Variants in LTBP3 observed in about 807,000 individuals in gnomAD.
LTBP3 encodes the protein latent-transforming growth factor beta-binding protein 3.
In LTBP3, 97 loss-of-function variants were observed where a neutral mutation model predicts 159.7. The observed-to-expected ratio is 0.61, with a 90% CI of 0.52 to 0.72. The LOEUF is 0.72. Ranked by LOEUF, LTBP3 falls within the 30% of genes least tolerant of loss-of-function variation. The pLI is 0.00. For missense variants in LTBP3, 1,584 were observed against 1,864.3 expected (o/e 0.85, Z 2.77); for synonymous variants, 824 against 777.1 (o/e 1.06, Z -1.00).
chr11:65,547,507 G>A lies in LTBP3; in HGVS notation c.2039C>T (p.Pro680Leu). The change falls in exon 14 of 28, where the codon CCC (proline) becomes CTC (leucine). Residue 680 changes from proline to leucine, a missense_variant. Physicochemically the swap from Pro to Leu is moderately conservative, Grantham distance 98. Transcript: ENST00000301873. This position sits in a 1 kb window ranked among gnomAD's most constrained non-coding sequence, Gnocchi z 4.6. Reference protein sequence around the residue: ...CGDGGFCINFPGHYKCNCYPG... With the variant: ...CGDGGFCINFLGHYKCNCYPG... ...GTAGCAGTTGCACTTGTAGTGACCG[G>A]GAAAGTTGATGCAGAAGCCGCCGTC... 3.7e-6 allele frequency: 6 copies of A among 1,614,138 alleles called. No individual in the cohort carries two copies. Among genetic ancestry groups the A allele is most frequent in the Non-Finnish European group, 5.1e-6 (6 of 1,179,998 alleles).
Position 65,540,134 on chromosome 11 carries a change from G to A in LTBP3, c.3264C>T (p.Asp1088=), listed in dbSNP as rs1395695854. The A allele has an allele frequency of 6.5e-7, 1 of 1,528,416 alleles. No homozygotes were observed. Among genetic ancestry groups the A allele is most frequent in the South Asian group, 1.2e-5 (1 of 83,548 alleles). 94.7% of individuals were successfully genotyped at this position (1,528,416 alleles called of 1,614,324 possible). ...PEEMDVDECQ[D]PAACRPGRCV... is the part of the protein sequence containing the mutation. ...AGCGGCCAGGGCGGCAGGCTGCCGG[G>A]TCCTGGCACTCGTCCACGTCTACGA... is the stretch of plus-strand genomic sequence containing the variant. Residue 1088 remains aspartate, a synonymous_variant, in exon 24 of 28, where the codon GAC becomes GAT. Transcript: ENST00000301873.
In LTBP3 at chr11:65,551,037, C is replaced by G; in HGVS notation, c.1720+89G>C. The G allele has an allele frequency of 2.7e-6, 3 of 1,094,956 alleles. No individual in the cohort carries two copies. In the East Asian group the frequency reaches 7.7e-5, roughly 28 times the overall value. 67.8% of individuals were successfully genotyped at this position (1,094,956 alleles called of 1,614,324 possible). On this transcript the variant is annotated intron_variant, in intron 11 of 27. Transcript: ENST00000301873. ...CTGGATACACGCTAGCCTATTAGCG[C>G]TAGGGAATGCCTGGGGGCGGGAGGG...
chr11:65,547,690 C>A lies in LTBP3; in HGVS notation c.1978G>T (p.Asp660Tyr), dbSNP rs748930567. Residue 660 changes from aspartate (D) to tyrosine (Y), a missense_variant and splice_region_variant, in exon 13 of 28, where the codon GAC becomes TAC. Coordinates refer to ENST00000301873, the MANE Select transcript of LTBP3 (RefSeq NM_001130144.3). The surrounding 1 kb of genome is among the most constrained non-coding windows in gnomAD (Gnocchi z 4.6). The stretch of plus-strand genomic sequence containing the variant: ...CCGCCTCCGCCCTGGCGGCGCTCAC[C>A]CACGCACGAGCGCCCCCCGGCGCCC... Reference protein sequence around the residue: ...HVGAGGRSCVDLNECAKPHLC... With the variant: ...HVGAGGRSCVYLNECAKPHLC... The A allele has an allele frequency of 3.1e-6, 5 of 1,606,100 alleles. No homozygotes were observed. In the East Asian group the frequency reaches 8.9e-5, roughly 29 times the overall value.
intron 18 of LTBP3, chr11:65,541,984 A>C: frequency 2.1e-6 from 1 of 466,114 alleles, no homozygotes; most frequent in Non-Finnish European, 4.0e-6. Flanking sequence ...AAGGCCTCAA[A>C]TGCAATTGAG....
In LTBP3 at chr11:65,554,336, G is replaced by A. The variant is rs763357582; in HGVS notation, c.376C>T (p.Arg126Ter). The A allele has an allele frequency of 4.3e-6, 7 of 1,612,304 alleles. No homozygotes were observed. Among genetic ancestry groups the A allele is most frequent in the Non-Finnish European group, 5.9e-6 (7 of 1,179,772 alleles). ...TCCGGGGGACACAGGCACTGGTTTCGCGAGGAGCACTGGCCGCCATTCATG... is the reference window on the plus strand; with the variant it reads ...TCCGGGGGACACAGGCACTGGTTTCACGAGGAGCACTGGCCGCCATTCATG... ...PCMNGGQCSS[R>*]NQCLCPPDFT... The change falls in exon 2 of 28, where the codon CGA becomes TGA. Residue 126 changes from arginine to a stop codon, truncating the protein, a stop_gained. Transcript: ENST00000301873. LOFTEE classifies it high-confidence loss of function. The surrounding 1 kb of genome is among the most constrained non-coding windows in gnomAD (Gnocchi z 5.3).
Position 65,547,386 on chromosome 11 carries a change from G to C in LTBP3, c.2107+53C>G. The stretch of plus-strand genomic sequence containing the variant: ...ATGCAGGCACCCCAGCCCCACCCCA[G>C]GTGGAGAGACAGCTAAGGAGCTCCT... On this transcript the variant is annotated intron_variant, in intron 14 of 27. Transcript: ENST00000301873. The surrounding 1 kb of genome is among the most constrained non-coding windows in gnomAD (Gnocchi z 4.6). 1 of 1,602,538 alleles carries C rather than the reference G, an allele frequency of 6.2e-7. No individual in the cohort carries two copies. Among genetic ancestry groups the C allele is most frequent in the South Asian group, 1.1e-5 (1 of 90,892 alleles).
In LTBP3 at chr11:65,557,653, G is replaced by T; in HGVS notation, c.307C>A (p.Leu103Ile). 6.2e-7 allele frequency: 1 copy of T among 1,610,854 alleles called. No homozygotes were observed. The change falls in exon 1 of 28, where the codon CTC (leucine) becomes ATC (isoleucine). Residue 103 changes from leucine to isoleucine, a missense_variant. Around this residue, in one of 6 missense-constraint regions of LTBP3, gnomAD observed 76 missense variants for 133.3 expected, o/e 0.57. Transcript: ENST00000301873. Reference protein sequence around the residue: ...IGENGHSTDTLTGSGFRVVVC... With the variant: ...IGENGHSTDTITGSGFRVVVC... ...CCCACGCGGAAGCCGGAGCCCGTGA[G>T]CGTGTCTGTGCTGTGGCCGTTCTCT...
rs1433243375 is a variant in LTBP3, at chr11:65,546,169, T to G, written c.2353+273A>C. 3 of 502,650 alleles carry G rather than the reference T, an allele frequency of 6.0e-6. No homozygotes were observed. The allele number at this position is 502,650 out of a possible 1,614,324, so 31.1% of individuals were successfully genotyped here. A position where few individuals can be genotyped will look rare whatever the true frequency, so the allele number is the denominator to read the frequency against. ...TAAACAGGAGTGCAGGGGGGAGTAC[T>G]ATCGTCTGCCCTCATTCTTTGATAT... On this transcript the variant is annotated intron_variant, in intron 16 of 27. Transcript: ENST00000301873. The surrounding 1 kb of genome is among the most constrained non-coding windows in gnomAD (Gnocchi z 4.0).
At position 65,554,088 on chromosome 11, in the gene LTBP3, G is replaced by A; in HGVS notation, c.624C>T (p.Phe208=). ...TCTGTCCCGGGCCTAGGGGCACCAG[G>A]AAGGCTGCGTGCTGGGCAGGAGGCC... ...GEGPPAQHAA[F]LVPLGPGQIS... is the part of the protein sequence containing the mutation. Residue 208 remains phenylalanine, a synonymous_variant, in exon 2 of 28, where the codon TTC becomes TTT. Coordinates refer to ENST00000301873, the MANE Select transcript of LTBP3 (RefSeq NM_001130144.3). The surrounding 1 kb of genome is among the most constrained non-coding windows in gnomAD (Gnocchi z 5.3). 1 of 1,608,174 alleles carries A rather than the reference G, an allele frequency of 6.2e-7. No homozygotes were observed. Among genetic ancestry groups the A allele is most frequent in the Non-Finnish European group, 8.5e-7 (1 of 1,179,502 alleles).
At position 65,546,989 on chromosome 11, in the gene LTBP3, C is replaced by T; in HGVS notation, c.2108-69G>A. 6.3e-7 allele frequency: 1 copy of T among 1,595,944 alleles called. No homozygotes were observed. Among genetic ancestry groups the T allele is most frequent in the Non-Finnish European group, 8.5e-7 (1 of 1,175,012 alleles). On this transcript the variant is annotated intron_variant, in intron 14 of 27. Transcript: ENST00000301873. This position sits in a 1 kb window ranked among gnomAD's most constrained non-coding sequence, Gnocchi z 4.0. Reference sequence around the variant, plus strand: ...CGGGTGGCCCGGCTCCCAGCGTCCACAGCAGGGACTTCCTCCCACACAGAT... The same window carrying T: ...CGGGTGGCCCGGCTCCCAGCGTCCATAGCAGGGACTTCCTCCCACACAGAT...
At chr11:65,541,817 A>G in intron 18 of LTBP3, 89 bp from the exon 19 acceptor site, 1 of 1,504,830 alleles carries the variant, frequency 6.6e-7, no homozygotes, top group African/African-American at 1.4e-5. Flanking sequence ...CAGAACCTGA[A>G]TTTCCACTTT....
intron 19 of LTBP3, 46 bp from the exon 20 acceptor site, chr11:65,541,339 GCCCTGTCCA>G (rs1856128792): frequency 6.3e-7 from 1 of 1,598,028 alleles, no homozygotes; most frequent in Non-Finnish European, 8.5e-7. Context: ...ACCCCCCTTG[GCCCTGTCCA>G]CCCTGCCCAC....
intron 16 of LTBP3, chr11:65,544,021 G>A: frequency 4.8e-6 from 1 of 207,048 alleles, no homozygotes; most frequent in Non-Finnish European, 1.0e-5. Flanking sequence ...AGGTGCCGCC[G>A]GCCTCCTGCA....
chr11:65,542,909 A>G (rs1387377346), intron 18 of LTBP3, 196 bp downstream of exon 18: 4 of 746,534 alleles, frequency 5.4e-6, no homozygotes, highest in Non-Finnish European at 9.0e-6. Context: ...TGGAAGGATG[A>G]ATGGAAGGAT....
intron 21 of LTBP3, 89 bp from the exon 22 acceptor site, chr11:65,540,703 C>CGGGCGGGGCATACAGGAG: frequency 8.0e-7 from 1 of 1,243,472 alleles, no homozygotes; most frequent in Non-Finnish European, 1.1e-6. Context: ...AAGCCATCCC[C>CGGGCGGGGCATACAGGAG]GGGCGGGGCC....
In LTBP3 at chr11:65,543,364, TG is replaced by T. The variant is rs1032893414; in HGVS notation, c.2476+62del. 26 of 1,611,672 alleles carry T rather than the reference TG, an allele frequency of 1.6e-5. No homozygotes were observed. In the African/African-American group the frequency reaches 2.7e-4, roughly 17 times the overall value. ...TGAGATCTGGATTAGGACTGGACCC[TG>T]GGGGGTGGGGGTCCTGGGGTAGGGA... On this transcript the variant is annotated intron_variant, in intron 17 of 27. Transcript: ENST00000301873.
rs754573607 is a variant in LTBP3 at position 65,539,295 on chromosome 11, C to CGCCCCT, written c.3760+27_3760+32dup. The stretch of plus-strand genomic sequence containing the variant: ...CCAGGCGGCTCCTCACCACCGGCCC[C>CGCCCCT]GCCCCTGCCCCCACCCCCGAAGCCC... On this transcript the variant is annotated intron_variant, in intron 27 of 27. Coordinates refer to ENST00000301873, the MANE Select transcript of LTBP3 (RefSeq NM_001130144.3). The CGCCCCT allele has an allele frequency of 1.4e-4, 204 of 1,510,564 alleles. 2 individuals are homozygous for CGCCCCT. The highest frequency in any genetic ancestry group is 2.8e-4 in the African/African-American group (20 of 70,374). 93.6% of individuals were successfully genotyped at this position (1,510,564 alleles called of 1,614,324 possible).
chr11:65,539,455 C>G lies in LTBP3; in HGVS notation c.3633G>C (p.Glu1211Asp), dbSNP rs778399128. Residue 1211 changes from glutamate to aspartate, a missense_variant, in exon 27 of 28, where the codon GAG (glutamate) becomes GAC (aspartate). Around this residue, in one of 6 missense-constraint regions of LTBP3, gnomAD observed 514 missense variants for 530.3 expected, o/e 0.97. Coordinates refer to ENST00000301873, the MANE Select transcript of LTBP3 (RefSeq NM_001130144.3). ...CGTCTGAATCCTCCTCTGAACTGTC[C>G]TCATCTGCGTGGCCCGGAACAATAT... Reference protein sequence around the residue: ...PLLLGKPPRDEDSSEEDSDEC... With the variant: ...PLLLGKPPRDDDSSEEDSDEC... 28 of 1,566,024 alleles carry G rather than the reference C, an allele frequency of 1.8e-5. No homozygotes were observed. The highest frequency in any genetic ancestry group is 2.2e-5 in the Non-Finnish European group (25 of 1,155,374).
intron 1 of LTBP3, among the ~76,000 whole-genome samples, chr11:65,555,424 CTCTA>C (rs1856774347): frequency 1.3e-5 from 2 of 151,912 alleles, no homozygotes; most frequent in Middle Eastern, 7.0e-3. Flanking sequence ...TCCCCCCCCT[CTCTA>C]TATATGCAGA....
Sources: allele counts gnomAD v4.1 joint callset (sites outside exome capture counted in the v4.1 genomes callset), GRCh38; gene constraint gnomAD v4.1.1; regional missense constraint gnomAD v4.1.1; non-coding constraint Gnocchi (gnomAD v3.1); transcripts MANE v1.5; gene names NCBI Gene and HGNC (gene_info 2026-07-23, HGNC 2026-07-21).